The following LRMDA variants were observed in gnomAD, a reference collection of about 807,000 sequenced individuals.
LRMDA encodes leucine-rich melanocyte differentiation-associated protein.
LRMDA carries 18 observed loss-of-function variants against 29.8 expected under a neutral mutation model. The ratio of observed to expected loss-of-function variants is 0.60; its 90% CI spans 0.42 to 0.90. The LOEUF is 0.90. Among genes scored for constraint, LRMDA ranks in the 40% least tolerant of loss-of-function variants. The pLI, the probability that LRMDA is intolerant of heterozygous loss-of-function variation, is 0.00. For missense variants in LRMDA, 273 were observed against 273.9 expected, an observed-to-expected ratio of 1.00 and a Z score of 0.02; for synonymous variants, 125 against 109.4, an observed-to-expected ratio of 1.14 and a Z score of -0.89.
chr10:76,191,347 C>T (rs1230896248), intron 5 of LRMDA, among the ~76,000 whole-genome samples: 1 of 152,138 alleles, frequency 6.6e-6, no homozygotes. Flanking sequence ...CCTCTATAGC[C>T]CTGAGCTGTT....
intron 5 of LRMDA, among the ~76,000 whole-genome samples, chr10:76,253,374 G>A (rs924569943): frequency 6.6e-6 from 1 of 152,040 alleles, no homozygotes; most frequent in Non-Finnish European, 1.5e-5. Flanking sequence ...CAATATCATG[G>A]GGGATTTTTG....
chr10:76,457,986 A>G (rs1842474312), intron 6 of LRMDA, among the ~76,000 whole-genome samples: 1 of 152,120 alleles, frequency 6.6e-6, no homozygotes, highest in South Asian at 2.1e-4. Flanking sequence ...CATATGCTCT[A>G]TGGACATGTT....
intron 6 of LRMDA, among the ~76,000 whole-genome samples, chr10:76,415,500 G>A (rs1196988536): frequency 1.3e-5 from 2 of 152,074 alleles, no homozygotes; most frequent in Non-Finnish European, 2.9e-5. Flanking sequence ...TGTCCCATAC[G>A]TTCTAGGCTT....
chr10:75,858,483 T>C (rs1321667441), intron 2 of LRMDA, among the ~76,000 whole-genome samples: 1 of 152,222 alleles, frequency 6.6e-6, no homozygotes, highest in South Asian at 2.1e-4. Flanking sequence ...ATTTAGCTAA[T>C]ACTTCACATA....
chr10:76,186,395 T>G (rs985618444), intron 5 of LRMDA, among the ~76,000 whole-genome samples: 4 of 152,238 alleles, frequency 2.6e-5, no homozygotes, highest in African/African-American at 9.6e-5. Flanking sequence ...GCAAGTAACA[T>G]GCTTTTCAGG....
chr10:76,335,415 GT>G (rs1284608458), intron 6 of LRMDA, among the ~76,000 whole-genome samples: 1 of 152,136 alleles, frequency 6.6e-6, no homozygotes, highest in Admixed American at 6.5e-5. Flanking sequence ...AGTAAGCACT[GT>G]TTAGGTTAGA....
At chr10:75,893,211 G>A (rs1198416951) in intron 2 of LRMDA, among the ~76,000 whole-genome samples, 1 of 152,156 alleles carries the variant, frequency 6.6e-6, no homozygotes, top group African/African-American at 2.4e-5. Flanking sequence ...CTGTTTGCCA[G>A]TTGACCCCCT....
At chr10:76,066,304 G>A (rs932587450) in intron 5 of LRMDA, among the ~76,000 whole-genome samples, 3 of 152,208 alleles carry the variant, frequency 2.0e-5, no homozygotes, top group Admixed American at 6.5e-5. Flanking sequence ...TCCCTGATAT[G>A]TGAGTTAGAA....
chr10:76,538,784 A>G (rs947569105), intron 6 of LRMDA, among the ~76,000 whole-genome samples: 1 of 152,036 alleles, frequency 6.6e-6, no homozygotes, highest in African/African-American at 2.4e-5. Context: ...CCTGAGGCAG[A>G]GCTAATTTTT....
intron 2 of LRMDA, among the ~76,000 whole-genome samples, chr10:75,932,846 A>G (rs1345551874): frequency 6.6e-6 from 1 of 152,210 alleles, no homozygotes; most frequent in Non-Finnish European, 1.5e-5. Context: ...TTAGGAGTCT[A>G]GAATGGATGA....
chr10:76,393,783 C>A (rs80288862), intron 6 of LRMDA, among the ~76,000 whole-genome samples: 2 of 152,098 alleles, frequency 1.3e-5, no homozygotes, highest in East Asian at 3.8e-4. Context: ...CTAGTGGTTT[C>A]GCTGCTTCAG....
At chr10:76,220,139 G>C (rs1445271164) in intron 5 of LRMDA, among the ~76,000 whole-genome samples, 2 of 152,162 alleles carry the variant, frequency 1.3e-5, no homozygotes. Context: ...GAAATTTATA[G>C]CACTAAATGC....
intron 6 of LRMDA, among the ~76,000 whole-genome samples, chr10:76,513,809 G>A (rs1241896730): frequency 6.6e-6 from 1 of 152,162 alleles, no homozygotes; most frequent in African/African-American, 2.4e-5. Context: ...TGGTGGCAGA[G>A]GGATAGGCAG....
At chr10:75,963,245 T>C (rs1480631655) in intron 2 of LRMDA, among the ~76,000 whole-genome samples, 1 of 152,172 alleles carries the variant, frequency 6.6e-6, no homozygotes, top group Non-Finnish European at 1.5e-5. Context: ...AATCCAAGAA[T>C]CTGAGCCACA....
chr10:75,527,403 C>G (rs887660269), intron 2 of LRMDA, among the ~76,000 whole-genome samples: 10 of 151,988 alleles, frequency 6.6e-5, no homozygotes, highest in Non-Finnish European at 1.3e-4. Flanking sequence ...GGATGTATGC[C>G]TAGGAATAAA....
chr10:76,194,606 GC>G (rs1851302268), intron 5 of LRMDA, among the ~76,000 whole-genome samples: 1 of 152,172 alleles, frequency 6.6e-6, no homozygotes, highest in Admixed American at 6.5e-5. Context: ...GTAAGATGTA[GC>G]TTCTTAGCTT....
At chr10:75,937,852 G>C (rs1846323925) in intron 2 of LRMDA, among the ~76,000 whole-genome samples, 1 of 152,166 alleles carries the variant, frequency 6.6e-6, no homozygotes, top group African/African-American at 2.4e-5. Flanking sequence ...GATACACAAG[G>C]TGACCCTACC....
chr10:75,592,920 T>G (rs941284817), intron 2 of LRMDA, among the ~76,000 whole-genome samples: 2 of 152,200 alleles, frequency 1.3e-5, no homozygotes, highest in African/African-American at 4.8e-5. Flanking sequence ...GGAGTCGAGT[T>G]TCTTCCAGAG....
At chr10:75,903,842 G>A (rs2132368611) in intron 2 of LRMDA, among the ~76,000 whole-genome samples, 1 of 152,334 alleles carries the variant, frequency 6.6e-6, no homozygotes, top group Middle Eastern at 3.4e-3. Context: ...TAGGTTGGGA[G>A]TCCCTGCTTA....
Sources: allele counts gnomAD v4.1 joint callset (sites outside exome capture counted in the v4.1 genomes callset), GRCh38; gene constraint gnomAD v4.1.1; transcripts MANE v1.5; gene names NCBI Gene and HGNC (gene_info 2026-07-23, HGNC 2026-07-21).